SLC18A1: variants seen among roughly 807,000 people sequenced by gnomAD.
SLC18A1 encodes the protein solute carrier family 18 member A1.
In SLC18A1, 69 loss-of-function variants were observed where a neutral mutation model predicts 53.7. The ratio of observed to expected loss-of-function variants is 1.28; its 90% CI spans 1.06 to 1.57. SLC18A1 has a LOEUF of 1.57. Among genes scored for constraint, SLC18A1 ranks in the 40% most tolerant of loss-of-function variants. The pLI is 0.00. For synonymous variants in SLC18A1, 320 were observed against 248.1 expected (o/e 1.29, Z -2.72); for missense variants, 932 against 668.1 (o/e 1.40, Z -4.35).
At chr8:20,149,205 T>G (rs956021172) in intron 12 of SLC18A1, among the ~76,000 whole-genome samples, 2 of 152,192 alleles carry the variant, frequency 1.3e-5, no homozygotes, top group Non-Finnish European at 2.9e-5. Flanking sequence ...TCTTTCTTTC[T>G]TCTTCTATCA....
intron 10 of SLC18A1, among the ~76,000 whole-genome samples, chr8:20,159,595 T>A (rs575091326): frequency 3.8e-5 from 5 of 133,308 alleles, no homozygotes; most frequent in African/African-American, 5.6e-5. Context: ...TCCCATTATA[T>A]GGTAGCTCTG....
Position 20,178,422 on chromosome 8 carries a change from G to A in SLC18A1, c.547+13C>T. 8 of 1,603,046 alleles carry A rather than the reference G, an allele frequency of 5.0e-6. No homozygotes were observed. Among genetic ancestry groups the A allele is most frequent in the African/African-American group, 1.3e-5 (1 of 74,504 alleles). ...ATCAGTGAAGGGAAGAAAAGAGGAAGCAAATTACTTACTAACTGTGGAGAG... is the reference window on the plus strand; with the variant it reads ...ATCAGTGAAGGGAAGAAAAGAGGAAACAAATTACTTACTAACTGTGGAGAG... On this transcript the variant is annotated intron_variant, in intron 4 of 15. Coordinates refer to ENST00000276373, the MANE Select transcript of SLC18A1 (RefSeq NM_003053.4).
chr8:20,180,383 A>C (rs1383518329), intron 2 of SLC18A1, among the ~76,000 whole-genome samples: 2 of 152,224 alleles, frequency 1.3e-5, no homozygotes, highest in Non-Finnish European at 2.9e-5. Context: ...TAAAAAAAGC[A>C]GGATTCTGAG....
At chr8:20,161,027 G>C (rs568179913) in intron 10 of SLC18A1, among the ~76,000 whole-genome samples, 1 of 152,140 alleles carries the variant, frequency 6.6e-6, no homozygotes, top group African/African-American at 2.4e-5. Context: ...TTGCATTGGG[G>C]ATTAAGTTTC....
Position 20,180,897 on chromosome 8 carries a change from A to T in SLC18A1, c.68T>A (p.Val23Glu). ...CAAAGCGACGAATACCACCACCAGCACCAGCTGCCGGGACGCTCTCCCCTC... is the reference window on the plus strand; with the variant it reads ...CAAAGCGACGAATACCACCACCAGCTCCAGCTGCCGGGACGCTCTCCCCTC... ...LKEGRASRQL[V>E]LVVVFVALLL... Residue 23 changes from valine (V) to glutamate (E), a missense_variant, in exon 2 of 16, where the codon GTG becomes GAG. By Grantham distance (121) the Val-to-Glu change is moderately radical. Transcript: ENST00000276373. The T allele has an allele frequency of 6.2e-7, 1 of 1,613,408 alleles. No homozygotes were observed.
chr8:20,156,389 G>T (rs1176859222), intron 10 of SLC18A1, among the ~76,000 whole-genome samples: 2 of 152,024 alleles, frequency 1.3e-5, no homozygotes, highest in Non-Finnish European at 2.9e-5. Flanking sequence ...CCTAACAGGG[G>T]ATTTTAATCT....
rs1361486510 is a variant in SLC18A1, at chr8:20,145,722, G to T, written c.*41C>A. 1 of 1,298,102 alleles carries T rather than the reference G, an allele frequency of 7.7e-7. No individual in the cohort carries two copies. Among genetic ancestry groups the T allele is most frequent in the Non-Finnish European group, 1.1e-6 (1 of 906,596 alleles). The allele number at this position is 1,298,102 out of a possible 1,614,324, so 80.4% of individuals were successfully genotyped here. A position where few individuals can be genotyped will look rare whatever the true frequency, so the allele number is the denominator to read the frequency against. On this transcript the variant is annotated 3_prime_UTR_variant, in exon 16 of 16. Coordinates refer to ENST00000276373, the MANE Select transcript of SLC18A1 (RefSeq NM_003053.4). ...GTGATCTGGTCCCAGGGAAAGAGGT[G>T]GTCACTGAGGCATCATGAATTCAAG...
Position 20,159,886 on chromosome 8 carries a change from A to G in SLC18A1, c.1015+4983T>C, listed in dbSNP as rs545225360. Among the ~76,000 whole-genome samples the G allele has an allele frequency of 1.1e-4, 16 of 152,132 alleles. No individual in the cohort carries two copies. The East Asian group carries it at 3.1e-3, about 29-fold the overall frequency. On this transcript the variant is annotated intron_variant, in intron 10 of 15. Coordinates refer to ENST00000276373, the MANE Select transcript of SLC18A1 (RefSeq NM_003053.4). The stretch of plus-strand genomic sequence containing the variant: ...TCCAGGCCATCTCACTCTAACTCCA[A>G]GTGTTTCCACTATGCCACACCCCCA...
At position 20,180,864 on chromosome 8, in the gene SLC18A1, T is replaced by G. The variant is rs770766669; in HGVS notation, c.101A>C (p.Asp34Ala). ...LVVVFVALLLDNMLFTVVVPI... is the reference protein window; with the variant it reads ...LVVVFVALLLANMLFTVVVPI... Reference sequence around the variant, plus strand: ...ACCCACCACAGTAAACAGCATGTTGTCCAGGAGCAAAGCGACGAATACCAC... The same window carrying G: ...ACCCACCACAGTAAACAGCATGTTGGCCAGGAGCAAAGCGACGAATACCAC... Residue 34 changes from aspartate (D) to alanine (A), a missense_variant, in exon 2 of 16, where the codon GAC (aspartate) becomes GCC (alanine). Asp to Ala is a moderately radical substitution (Grantham distance 126). Coordinates refer to ENST00000276373, the MANE Select transcript of SLC18A1 (RefSeq NM_003053.4). 6 of 1,613,904 alleles carry G rather than the reference T, an allele frequency of 3.7e-6. No individual in the cohort carries two copies. The East Asian group carries it at 1.3e-4, about 36-fold the overall frequency.
At chr8:20,148,559 T>G in intron 12 of SLC18A1, 1 of 972,444 alleles carries the variant, frequency 1.0e-6, no homozygotes, top group Non-Finnish European at 1.4e-6. Context: ...AACAACCAGT[T>G]AGCTGTAAGC....
Position 20,149,726 on chromosome 8 carries a change from A to G in SLC18A1, c.1096T>C (p.Trp366Arg), listed in dbSNP as rs1438222607. The stretch of plus-strand genomic sequence containing the variant: ...AGCATCCCGATTAGGGAACACAGCC[A>G]CCTGGAAGAAAAAAGCCATCATCAA... ...FGVLANKMGR[W>R]LCSLIGMLVV... Residue 366 changes from tryptophan (W) to arginine (R), a missense_variant and splice_region_variant, in exon 12 of 16, where the codon TGG (tryptophan) becomes CGG (arginine). By Grantham distance (101) the Trp-to-Arg change is moderately radical. Transcript: ENST00000276373. 6.2e-7 allele frequency: 1 copy of G among 1,613,620 alleles called. No homozygotes were observed. The highest frequency in any genetic ancestry group is 8.5e-7 in the Non-Finnish European group (1 of 1,179,886).
At chr8:20,151,648 T>C (rs1422224791) in intron 10 of SLC18A1, among the ~76,000 whole-genome samples, 1 of 152,194 alleles carries the variant, frequency 6.6e-6, no homozygotes, top group Admixed American at 6.5e-5. Context: ...CCTGAACACA[T>C]GGCTTTTTGT....
intron 10 of SLC18A1, among the ~76,000 whole-genome samples, chr8:20,155,071 C>T (rs1459381625): frequency 6.6e-6 from 1 of 152,176 alleles, no homozygotes; most frequent in African/African-American, 2.4e-5. Flanking sequence ...TCTAATAGAG[C>T]TATAACACTC....
chr8:20,147,375 A>G lies in SLC18A1; in HGVS notation c.1347T>C (p.Gly449=). The G allele has an allele frequency of 6.2e-7, 1 of 1,610,798 alleles. No homozygotes were observed. The highest frequency in any genetic ancestry group is 1.1e-5 in the South Asian group (1 of 90,646). ...MGFAIGPSTG[G]AIVKAIGFPW... ...GAAAACCGATGGCCTTTACAATGGC[A>G]CCACCGGTGGATGGACCTGGGAGGG... Residue 449 remains glycine, a synonymous_variant, in exon 15 of 16, where the codon GGT becomes GGC. Coordinates refer to ENST00000276373, the MANE Select transcript of SLC18A1 (RefSeq NM_003053.4).
At chr8:20,148,149 A>G in intron 12 of SLC18A1, 79 bp from the exon 13 acceptor site, 1 of 1,274,720 alleles carries the variant, frequency 7.8e-7, no homozygotes, top group Non-Finnish European at 1.1e-6. Flanking sequence ...TTTCACATGA[A>G]ATGCATTTAT....
At chr8:20,168,296 G>C (rs2072023730) in intron 8 of SLC18A1, among the ~76,000 whole-genome samples, 1 of 151,938 alleles carries the variant, frequency 6.6e-6, no homozygotes, top group Admixed American at 6.6e-5. Context: ...GAACCCAAGA[G>C]TTGGAGGCTA....
At chr8:20,168,111 A>G (rs1169570799) in intron 8 of SLC18A1, among the ~76,000 whole-genome samples, 1 of 152,146 alleles carries the variant, frequency 6.6e-6, no homozygotes, top group Non-Finnish European at 1.5e-5. Flanking sequence ...ATGGGCTTTG[A>G]CTTGTCAAAT....
At chr8:20,179,849 A>G (rs1354790343) in intron 2 of SLC18A1, among the ~76,000 whole-genome samples, 1 of 152,146 alleles carries the variant, frequency 6.6e-6, no homozygotes, top group Non-Finnish European at 1.5e-5. Flanking sequence ...CCCCCAAACC[A>G]ACACACACTG....
At chr8:20,145,958 C>G in intron 15 of SLC18A1, 82 bp from the exon 16 acceptor site, 1 of 740,462 alleles carries the variant, frequency 1.4e-6, no homozygotes, top group Non-Finnish European at 2.1e-6. Context: ...CTCTGTTGCC[C>G]AGGCTGGAGT....
Sources: allele counts gnomAD v4.1 joint callset (sites outside exome capture counted in the v4.1 genomes callset), GRCh38; gene constraint gnomAD v4.1.1; transcripts MANE v1.5; gene names NCBI Gene and HGNC (gene_info 2026-07-23, HGNC 2026-07-21).